RGS6: variants seen among roughly 807,000 people sequenced by gnomAD.
RGS6 encodes regulator of G-protein signaling 6.
In RGS6, 30 loss-of-function variants were observed where a neutral mutation model predicts 78.5. The observed-to-expected ratio is 0.38, with a 90% confidence interval of 0.29 to 0.52. The LOEUF (loss-of-function observed/expected upper bound fraction) is 0.52, where lower values mean the gene tolerates loss of function less well. RGS6 is among the 20% of genes least tolerant of loss of function. The probability of loss-of-function intolerance (pLI) is 0.85; values close to 1 mark genes in which losing one functional copy is unlikely to be tolerated. For missense variants in RGS6, 495 were observed against 609.7 expected (o/e 0.81, Z 1.98); for synonymous variants, 206 against 206.0 (o/e 1.00, Z 0.00).
At chr14:72,493,779 A>AT (rs2096609242) in intron 12 of RGS6, among the ~76,000 whole-genome samples, 1 of 152,034 alleles carries the variant, frequency 6.6e-6, no homozygotes, top group Admixed American at 6.6e-5. Context: ...AAAAAAAAAA[A>AT]CATGGAGTGA....
At position 72,565,910 on chromosome 14, in the gene RGS6, G is replaced by A. The variant is rs2097708004; in HGVS notation, c.*3443G>A. The A allele has an allele frequency of 1.3e-5, 2 of 152,210 alleles. No homozygotes were observed. Among genetic ancestry groups the A allele is most frequent in the South Asian group, 4.1e-4 (2 of 4,822 alleles). The allele number at this position is 152,210 out of a possible 1,614,324, so 9.4% of individuals were successfully genotyped here. A position where few individuals can be genotyped will look rare whatever the true frequency, so the allele number is the denominator to read the frequency against. On this transcript the variant is annotated 3_prime_UTR_variant, in exon 18 of 18. Transcript: ENST00000553525. The stretch of plus-strand genomic sequence containing the variant: ...GGGCTCTCTTCCTTTGGGCCCTGCA[G>A]AATGTATTGGAGGGAGGTGTTGCTG...
At chr14:72,281,651 A>G (rs2061606332) in intron 2 of RGS6, among the ~76,000 whole-genome samples, 2 of 152,216 alleles carry the variant, frequency 1.3e-5, no homozygotes, top group African/African-American at 4.8e-5. Context: ...CTATTGAGAT[A>G]TACCTGAGGA....
At chr14:72,581,475 T>C in the RGS6 span, among the ~76,000 whole-genome samples, 9 of 152,172 alleles carry the variant, frequency 5.9e-5, no homozygotes, top group East Asian at 1.2e-3. Flanking sequence ...CAATCTATTT[T>C]CCACACTGCA....
At chr14:72,125,473 A>G (rs552093888) in intron 2 of RGS6, among the ~76,000 whole-genome samples, 2 of 151,936 alleles carry the variant, frequency 1.3e-5, no homozygotes, top group Admixed American at 1.3e-4. Flanking sequence ...CCTTATTCCC[A>G]TCAGATAGCA....
chr14:72,147,899 A>G lies in RGS6; in HGVS notation c.84+183024A>G, dbSNP rs1035559139. On this transcript the variant is annotated intron_variant, in intron 2 of 17. Coordinates refer to ENST00000553525, the MANE Select transcript of RGS6 (RefSeq NM_001204424.2). ...GTAATCCCAGCACTTTGGGAGGCCA[A>G]GGCGGGCAGATCACGAAGTCAGGAG... is the stretch of plus-strand genomic sequence containing the variant. Among the ~76,000 whole-genome samples, 6 of 152,300 alleles carry G rather than the reference A, an allele frequency of 3.9e-5. No individual in the cohort carries two copies. In the East Asian group the frequency reaches 9.6e-4, roughly 24 times the overall value.
chr14:72,043,897 C>T (rs575464585), intron 2 of RGS6, among the ~76,000 whole-genome samples: 141 of 152,164 alleles, frequency 9.3e-4, no homozygotes, highest in Non-Finnish European at 1.7e-3. Context: ...CTTGGAAGGT[C>T]GCTGCTGCTG....
intron 2 of RGS6, among the ~76,000 whole-genome samples, chr14:72,300,717 A>T (rs1463524961): frequency 1.3e-5 from 2 of 152,250 alleles, no homozygotes; most frequent in Non-Finnish European, 2.9e-5. Context: ...GTCTCCTTGA[A>T]TGCAGGCATG....
the RGS6 span, among the ~76,000 whole-genome samples, chr14:72,624,553 G>C: frequency 6.6e-6 from 1 of 152,064 alleles, no homozygotes; most frequent in Middle Eastern, 3.2e-3. Flanking sequence ...TGGCCAGGCT[G>C]TTCTCCAGCG....
At chr14:72,218,416 T>C (rs1210250833) in intron 2 of RGS6, among the ~76,000 whole-genome samples, 3 of 152,010 alleles carry the variant, frequency 2.0e-5, no homozygotes, top group East Asian at 1.9e-4. Flanking sequence ...AATTAATATG[T>C]TGTATCAGTA....
In RGS6 at chr14:72,495,229, G is replaced by A. The variant is rs745593278; in HGVS notation, c.932G>A (p.Ser311Asn). Residue 311 changes from serine (S) to asparagine (N), a missense_variant, in exon 13 of 18, where the codon AGC (serine) becomes AAC (asparagine). Ser to Asn is a conservative substitution (Grantham distance 46). Coordinates refer to ENST00000553525, the MANE Select transcript of RGS6 (RefSeq NM_001204424.2). The stretch of plus-strand genomic sequence containing the variant: ...GCTGAGCCATCCAACCCTTGGATCA[G>A]CGATGACGTTGCTTTGTGGGACATA... ...TPAEPSNPWISDDVALWDIEM... is the reference protein window; with the variant it reads ...TPAEPSNPWINDDVALWDIEM... 77 of 1,613,308 alleles carry A rather than the reference G, an allele frequency of 4.8e-5. No individual in the cohort carries two copies. Among genetic ancestry groups the A allele is most frequent in the Non-Finnish European group, 6.3e-5 (74 of 1,179,380 alleles).
At chr14:72,292,109 G>C (rs1271333921) in intron 2 of RGS6, among the ~76,000 whole-genome samples, 1 of 152,138 alleles carries the variant, frequency 6.6e-6, no homozygotes, top group Non-Finnish European at 1.5e-5. Context: ...AGAGGCCCCG[G>C]GTGGAGAATT....
chr14:72,274,706 T>C (rs1056371592), intron 2 of RGS6, among the ~76,000 whole-genome samples: 6 of 152,132 alleles, frequency 3.9e-5, no homozygotes, highest in Non-Finnish European at 8.8e-5. Context: ...GTTGTAATGA[T>C]AGAGGCAGGG....
At chr14:72,086,839 T>A (rs2095060096) in intron 2 of RGS6, among the ~76,000 whole-genome samples, 1 of 152,234 alleles carries the variant, frequency 6.6e-6, no homozygotes, top group South Asian at 2.1e-4. Flanking sequence ...ATAACAAATG[T>A]AAGATTTCAG....
intron 2 of RGS6, among the ~76,000 whole-genome samples, chr14:72,153,904 A>G (rs563910358): frequency 1.1e-4 from 16 of 152,310 alleles, no homozygotes; most frequent in Admixed American, 3.9e-4. Context: ...GTTCGAGAGC[A>G]GAGAACTGGT....
chr14:71,953,988 T>TTTTTC (rs1555399180), intron 1 of RGS6, among the ~76,000 whole-genome samples: 2 of 147,910 alleles, frequency 1.4e-5, no homozygotes, highest in East Asian at 2.0e-4. Flanking sequence ...TTTTTTTTTT[T>TTTTTC]CCTTCAACAT....
intron 3 of RGS6, among the ~76,000 whole-genome samples, chr14:72,392,334 A>G (rs2090193782): frequency 6.6e-6 from 1 of 152,224 alleles, no homozygotes; most frequent in South Asian, 2.1e-4. Flanking sequence ...GCAGAGGAAG[A>G]TGGATATGAA....
chr14:72,006,103 A>G (rs552842339), intron 2 of RGS6, among the ~76,000 whole-genome samples: 4 of 152,262 alleles, frequency 2.6e-5, no homozygotes, highest in South Asian at 2.1e-4. Flanking sequence ...AATGCTTCCT[A>G]TAGGCAGGAG....
intron 17 of RGS6, among the ~76,000 whole-genome samples, chr14:72,546,791 A>G (rs1418888667): frequency 2.6e-5 from 4 of 152,234 alleles, no homozygotes; most frequent in African/African-American, 4.8e-5. Context: ...CCACTGATTC[A>G]GATCCAAATC....
chr14:72,184,068 TC>T (rs552785791), intron 2 of RGS6, among the ~76,000 whole-genome samples: 151 of 152,208 alleles, frequency 9.9e-4, no homozygotes, highest in African/African-American at 3.6e-3. Context: ...GATTGGACTT[TC>T]CTAATTAAAA....
Sources: allele counts gnomAD v4.1 joint callset (sites outside exome capture counted in the v4.1 genomes callset), GRCh38; gene constraint gnomAD v4.1.1; transcripts MANE v1.5; gene names NCBI Gene and HGNC (gene_info 2026-07-23, HGNC 2026-07-21).